NSMCE2: variants seen among roughly 807,000 people sequenced by gnomAD.
NSMCE2 encodes the protein E3 SUMO-protein ligase NSE2.
NSMCE2 carries 24 observed loss-of-function variants against 23.8 expected under a neutral mutation model. That is an observed-to-expected ratio of 1.01 (90% CI 0.73 to 1.42). NSMCE2 has a LOEUF of 1.42. Ranked by LOEUF, NSMCE2 falls within the 40% of genes most tolerant of loss-of-function variation. NSMCE2 has a pLI of 0.00. For synonymous variants in NSMCE2, 92 were observed against 94.1 expected, an observed-to-expected ratio of 0.98 and a Z score of 0.13; for missense variants, 284 against 296.5, an observed-to-expected ratio of 0.96 and a Z score of 0.31.
chr8:125,332,014 C>G (rs1268460098), intron 5 of NSMCE2, among the ~76,000 whole-genome samples: 1 of 152,174 alleles, frequency 6.6e-6, no homozygotes, highest in Non-Finnish European at 1.5e-5. Context: ...AACATCCCTG[C>G]CATGTAAGTA....
intron 5 of NSMCE2, chr8:125,182,466 C>T: frequency 1.8e-6 from 1 of 569,604 alleles, no homozygotes; most frequent in South Asian, 2.4e-5. Flanking sequence ...ACAGTTTCCA[C>T]AAAGTGCTCA....
chr8:125,119,188 TA>T (rs1348031279), intron 3 of NSMCE2, among the ~76,000 whole-genome samples: 1 of 152,190 alleles, frequency 6.6e-6, no homozygotes, highest in Non-Finnish European at 1.5e-5. Context: ...TCTCACTCCA[TA>T]AATTTCCAAT....
In NSMCE2 at chr8:125,179,488, G is replaced by A. The variant is rs575083676; in HGVS notation, c.265-2615G>A. Among the ~76,000 whole-genome samples the A allele has an allele frequency of 1.9e-4, 29 of 151,810 alleles. No homozygotes were observed. The South Asian group carries it at 6.0e-3, about 32-fold the overall frequency. On this transcript the variant is annotated intron_variant, in intron 4 of 7. Transcript: ENST00000287437. ...CAAAGCAAGAAACCATTAAAAAATA[G>A]TTAGTGCCCATTTGTTTTATTGATT...
intron 5 of NSMCE2, among the ~76,000 whole-genome samples, chr8:125,316,630 CTTTCTTTATTTCCTTCTTTCCTTCT>C (rs1829194752): frequency 3.6e-5 from 2 of 56,210 alleles, no homozygotes; most frequent in Non-Finnish European, 1.2e-4. Context: ...TCCTTCTTTC[CTTTCTTTATTTCCTTCTTTCCTTCT>C]TTCCTTCCTT....
At chr8:125,223,172 A>G (rs1824945164) in intron 5 of NSMCE2, among the ~76,000 whole-genome samples, 1 of 151,832 alleles carries the variant, frequency 6.6e-6, no homozygotes, top group Admixed American at 6.5e-5. Flanking sequence ...CCTGAGCAAC[A>G]TGGTGAAATC....
chr8:125,131,020 C>A (rs1387842216), intron 3 of NSMCE2, among the ~76,000 whole-genome samples: 1 of 152,188 alleles, frequency 6.6e-6, no homozygotes, highest in Non-Finnish European at 1.5e-5. Context: ...TCAGTCAGAA[C>A]ACCATTTCCA....
chr8:125,239,608 CAAAAAAA>C (rs71295823), intron 5 of NSMCE2, among the ~76,000 whole-genome samples: 2 of 95,770 alleles, frequency 2.1e-5, no homozygotes, highest in Non-Finnish European at 2.2e-5. Flanking sequence ...GACTCTGTCT[CAAAAAAA>C]AAAAAAAAAA....
intron 5 of NSMCE2, among the ~76,000 whole-genome samples, chr8:125,335,212 G>T (rs1016484603): frequency 3.9e-5 from 6 of 152,202 alleles, no homozygotes; most frequent in African/African-American, 1.4e-4. Context: ...ACATGATGGA[G>T]TGAGGAGGTA....
Position 125,264,807 on chromosome 8 carries a change from C to T in NSMCE2, c.418+82551C>T, listed in dbSNP as rs115282650. On this transcript the variant is annotated intron_variant, in intron 5 of 7. Coordinates refer to ENST00000287437, the MANE Select transcript of NSMCE2 (RefSeq NM_173685.4). ...CTTGCAGCCTCATTAACTCTTCCAA[C>T]TCTTTATAAAATAATAATACTGAAA... 4.4e-3 allele frequency among the ~76,000 whole-genome samples: 667 copies of T among 152,308 alleles called. 3 individuals carry two copies. Among genetic ancestry groups the T allele is most frequent in the African/African-American group, 0.015 (640 of 41,568 alleles).
chr8:125,357,438 G>C (rs1368148766), intron 6 of NSMCE2, 119 bp downstream of exon 6: 1 of 747,080 alleles, frequency 1.3e-6, no homozygotes, highest in African/African-American at 1.8e-5. Context: ...GTAAAGAAAA[G>C]TGCTGGGGGT....
intron 7 of NSMCE2, 60 bp downstream of exon 7, chr8:125,357,878 G>A (rs1053048633): frequency 2.1e-5 from 25 of 1,170,498 alleles, no homozygotes; most frequent in East Asian, 1.4e-4. Flanking sequence ...CAGAGGTGGC[G>A]TGTTCACGCT....
intron 4 of NSMCE2, among the ~76,000 whole-genome samples, chr8:125,178,256 G>A (rs957625923): frequency 2.0e-4 from 30 of 152,052 alleles, no homozygotes; most frequent in African/African-American, 6.8e-4. Context: ...GCTGTTGACC[G>A]TCTGCTCCTG....
chr8:125,190,531 A>G (rs1032310535), intron 5 of NSMCE2, among the ~76,000 whole-genome samples: 8 of 152,232 alleles, frequency 5.3e-5, no homozygotes, highest in Non-Finnish European at 1.2e-4. Flanking sequence ...GGGACCAAAT[A>G]AATAATTAAG....
intron 1 of NSMCE2, among the ~76,000 whole-genome samples, chr8:125,099,766 T>C (rs555715991): frequency 4.6e-4 from 70 of 152,186 alleles, no homozygotes; most frequent in South Asian, 2.7e-3. Context: ...AGGAGAGGAT[T>C]TGGAGACAAA....
chr8:125,180,316 C>T (rs1297929629), intron 4 of NSMCE2, among the ~76,000 whole-genome samples: 1 of 152,192 alleles, frequency 6.6e-6, no homozygotes, highest in African/African-American at 2.4e-5. Context: ...ATTAAAGCCT[C>T]TCCATGTTTT....
chr8:125,339,266 C>T (rs1830160088), intron 5 of NSMCE2, among the ~76,000 whole-genome samples: 1 of 152,124 alleles, frequency 6.6e-6, no homozygotes, highest in South Asian at 2.1e-4. Context: ...TTGGGACGGT[C>T]CTTTTCCTCA....
chr8:125,344,893 T>C (rs1207271432), intron 5 of NSMCE2, among the ~76,000 whole-genome samples: 1 of 152,138 alleles, frequency 6.6e-6, no homozygotes, highest in African/African-American at 2.4e-5. Context: ...CTAGAGAAAC[T>C]GAGATTTTGT....
At chr8:125,355,031 C>T (rs997816600) in intron 5 of NSMCE2, among the ~76,000 whole-genome samples, 1 of 152,166 alleles carries the variant, frequency 6.6e-6, no homozygotes, top group Admixed American at 6.5e-5. Context: ...AAATGAAATT[C>T]ATGTTTAGTC....
At position 125,176,949 on chromosome 8, in the gene NSMCE2, T is replaced by C. The variant is rs1244828210; in HGVS notation, c.265-5154T>C. On this transcript the variant is annotated intron_variant, in intron 4 of 7. Transcript: ENST00000287437. ...TCATATCCTTGCTGGTCTAGCCCCA[T>C]AGGCATTTCTGACACCTGTAAGGAC... Among the ~76,000 whole-genome samples, 4 of 152,242 alleles carry C rather than the reference T, an allele frequency of 2.6e-5. No homozygotes were observed. The East Asian group carries it at 7.7e-4, about 29-fold the overall frequency.
Sources: gnomAD v4.1 joint callset for allele counts (sites outside exome capture counted in the v4.1 genomes callset) on GRCh38, gnomAD v4.1.1 for gene constraint, MANE v1.5 for transcripts, NCBI Gene and HGNC (gene_info 2026-07-23, HGNC 2026-07-21) for gene names.